The following ROBO2 variants were observed in gnomAD, a reference collection of about 807,000 sequenced individuals.
ROBO2 encodes roundabout homolog 2.
A neutral mutation model predicts 160.8 loss-of-function variants in ROBO2; 53 were observed. That is an observed-to-expected ratio of 0.33 (90% CI 0.26 to 0.41). The LOEUF (loss-of-function observed/expected upper bound fraction) is 0.41, where lower values mean the gene tolerates loss of function less well. Ranked by LOEUF, ROBO2 falls within the 10% of genes least tolerant of loss-of-function variation. The probability of loss-of-function intolerance (pLI) is 1.00; values close to 1 mark genes in which losing one functional copy is unlikely to be tolerated. For missense variants in ROBO2, 1,577 were observed against 1,722.4 expected, an observed-to-expected ratio of 0.92 and a Z score of 1.49; for synonymous variants, 664 against 611.7, an observed-to-expected ratio of 1.09 and a Z score of -1.26.
intron 2 of ROBO2, among the ~76,000 whole-genome samples, chr3:76,928,446 A>G (rs2149036770): frequency 7.1e-6 from 1 of 141,304 alleles, no homozygotes; most frequent in African/African-American, 2.9e-5. Flanking sequence ...TACTAAGTTT[A>G]TGATAATTTT....
intron 2 of ROBO2, among the ~76,000 whole-genome samples, chr3:76,470,172 T>G (rs1018321409): frequency 2.5e-4 from 38 of 152,060 alleles, no homozygotes; most frequent in African/African-American, 8.9e-4. Flanking sequence ...GCCTTGGAGG[T>G]CTTTCTTTGT....
intron 2 of ROBO2, among the ~76,000 whole-genome samples, chr3:76,806,214 C>CGTGTGT (rs71104623): frequency 0.47 from 68,186 of 146,008 alleles, 18,112 homozygotes; most frequent in Non-Finnish European, 0.63. Flanking sequence ...TTTCTGTGTG[C>CGTGTGT]GTGTGTGTGT....
chr3:76,181,037 A>G (rs1394665027), intron 2 of ROBO2, among the ~76,000 whole-genome samples: 1 of 152,090 alleles, frequency 6.6e-6, no homozygotes, highest in Non-Finnish European at 1.5e-5. Flanking sequence ...CATGACCAAC[A>G]ACTTCACTTC....
chr3:76,632,313 C>T (rs567178355), intron 2 of ROBO2, among the ~76,000 whole-genome samples: 5 of 152,286 alleles, frequency 3.3e-5, no homozygotes, highest in Non-Finnish European at 7.4e-5. Context: ...TGATAGATTT[C>T]GTTCCTTTGT....
At chr3:76,594,099 GAGT>G (rs1028127141) in intron 2 of ROBO2, among the ~76,000 whole-genome samples, 10 of 152,056 alleles carry the variant, frequency 6.6e-5, no homozygotes, top group African/African-American at 2.4e-4. Context: ...TTTAAGTTTA[GAGT>G]AGGGGGAATA....
chr3:76,206,650 A>G (rs1702825991), intron 2 of ROBO2, among the ~76,000 whole-genome samples: 1 of 148,850 alleles, frequency 6.7e-6, no homozygotes, highest in Non-Finnish European at 1.5e-5. Context: ...GCTTGAGTGC[A>G]AGGAATAGTC....
intron 2 of ROBO2, among the ~76,000 whole-genome samples, chr3:75,996,017 A>G (rs1169445838): frequency 2.0e-5 from 3 of 152,140 alleles, no homozygotes; most frequent in Non-Finnish European, 4.4e-5. Context: ...TGATGTTACA[A>G]GCTCCTAGGT....
intron 2 of ROBO2, among the ~76,000 whole-genome samples, chr3:76,156,601 T>C (rs1005885897): frequency 6.6e-6 from 1 of 152,234 alleles, no homozygotes; most frequent in Non-Finnish European, 1.5e-5. Context: ...CAAAATCTTA[T>C]GGCATGTCAG....
At chr3:76,043,220 T>G (rs2067332435) in intron 2 of ROBO2, among the ~76,000 whole-genome samples, 1 of 150,854 alleles carries the variant, frequency 6.6e-6, no homozygotes, top group South Asian at 2.1e-4. Context: ...GAACATCCCT[T>G]ACGTGTAAGA....
At chr3:76,003,556 A>T (rs569931738) in intron 2 of ROBO2, among the ~76,000 whole-genome samples, 42 of 152,334 alleles carry the variant, frequency 2.8e-4, no homozygotes, top group African/African-American at 8.7e-4. Context: ...AACTTGTAGA[A>T]ATAGATTAAA....
intron 2 of ROBO2, among the ~76,000 whole-genome samples, chr3:76,826,956 C>T (rs1308347988): frequency 2.0e-5 from 3 of 152,180 alleles, no homozygotes; most frequent in Non-Finnish European, 2.9e-5. Context: ...AATTCAAACA[C>T]TGTTTGTTTA....
At chr3:77,568,220 A>C (rs1408588129) in intron 12 of ROBO2, 93 bp from the exon 14 acceptor site, 1 of 1,431,744 alleles carries the variant, frequency 7.0e-7, no homozygotes, top group Non-Finnish European at 9.6e-7. Context: ...CCCTGTAATT[A>C]GTTCTAAAGA....
intron 2 of ROBO2, among the ~76,000 whole-genome samples, chr3:76,615,365 A>G (rs1200567084): frequency 6.6e-6 from 1 of 152,156 alleles, no homozygotes; most frequent in African/African-American, 2.4e-5. Context: ...ACATCAATTC[A>G]TGGAATTCAC....
At chr3:75,973,970 G>GA (rs1559796240) in intron 2 of ROBO2, among the ~76,000 whole-genome samples, 1 of 149,912 alleles carries the variant, frequency 6.7e-6, no homozygotes, top group Non-Finnish European at 1.5e-5. Context: ...TGAGGGAGGA[G>GA]AAAAACCATG....
At chr3:76,169,771 T>C (rs1272848296) in intron 2 of ROBO2, among the ~76,000 whole-genome samples, 4 of 152,040 alleles carry the variant, frequency 2.6e-5, no homozygotes, top group Admixed American at 2.0e-4. Context: ...TTAGATAGTT[T>C]CGTTATTGTT....
chr3:77,609,669 A>G (rs1226252912), intron 21 of ROBO2, among the ~76,000 whole-genome samples: 1 of 151,792 alleles, frequency 6.6e-6, no homozygotes, highest in Admixed American at 6.6e-5. Flanking sequence ...TTGCAGTAGA[A>G]TTGAAAATAT....
chr3:76,428,177 C>T (rs1362142424), intron 2 of ROBO2, among the ~76,000 whole-genome samples: 1 of 152,022 alleles, frequency 6.6e-6, no homozygotes, highest in Non-Finnish European at 1.5e-5. Context: ...TCATAAGTTC[C>T]ATCTGCCCAC....
At chr3:76,638,781 G>A (rs535631204) in intron 2 of ROBO2, among the ~76,000 whole-genome samples, 43 of 152,224 alleles carry the variant, frequency 2.8e-4, no homozygotes, top group African/African-American at 1.0e-3. Flanking sequence ...TTTACTCTGA[G>A]TATGTAGGAA....
chr3:76,811,775 CTCCTTCCTTCCTTCCTTCCTTCCT>C (rs767988628), intron 2 of ROBO2, among the ~76,000 whole-genome samples: 6 of 96,942 alleles, frequency 6.2e-5, no homozygotes, highest in Non-Finnish European at 1.3e-4. Flanking sequence ...CTCTCTTTCC[CTCCTTCCTTCCTTCCTTCCTTCCT>C]TCCTTCCTTC....
Sources: allele counts gnomAD v4.1 joint callset (sites outside exome capture counted in the v4.1 genomes callset), GRCh38; gene constraint gnomAD v4.1.1; transcripts MANE v1.5; gene names NCBI Gene and HGNC (gene_info 2026-07-23, HGNC 2026-07-21).